WWOX: variants seen among roughly 807,000 people sequenced by gnomAD.
WWOX encodes the protein WW domain containing oxidoreductase, also known as WW domain-containing oxidoreductase.
WWOX carries 69 observed loss-of-function variants against 46.2 expected under a neutral mutation model. The observed-to-expected ratio is 1.49, with a 90% CI of 1.23 to 1.82. The LOEUF (loss-of-function observed/expected upper bound fraction) is 1.82, where lower values mean the gene tolerates loss of function less well. Among genes scored for constraint, WWOX ranks in the 40% most tolerant of loss-of-function variants. The probability of loss-of-function intolerance (pLI) is 0.00; values close to 1 mark genes in which losing one functional copy is unlikely to be tolerated. For missense variants in WWOX, 919 were observed against 542.6 expected (o/e 1.69, Z -6.89); for synonymous variants, 359 against 202.6 (o/e 1.77, Z -6.56).
rs78634763 is a variant in WWOX at position 78,177,441 on chromosome 16, A to G, written c.516+13152A>G. ...GAGTGATACTCCCATGACTCATGAA[A>G]GATGGTCTCCCCACGTGCTTTAAAG... On this transcript the variant is annotated intron_variant, in intron 5 of 8. Coordinates refer to ENST00000566780, the MANE Select transcript of WWOX (RefSeq NM_016373.4). Among the ~76,000 whole-genome samples, 5 of 152,296 alleles carry G rather than the reference A, an allele frequency of 3.3e-5. No individual in the cohort carries two copies. The East Asian group carries it at 5.8e-4, about 18-fold the overall frequency.
At chr16:78,510,354 C>A (rs111608442) in intron 8 of WWOX, among the ~76,000 whole-genome samples, 1 of 152,062 alleles carries the variant, frequency 6.6e-6, no homozygotes, top group African/African-American at 2.4e-5. Context: ...TATAGACACC[C>A]ACCACCATGC....
chr16:78,789,275 T>C (rs1212090848), intron 8 of WWOX, among the ~76,000 whole-genome samples: 1 of 152,206 alleles, frequency 6.6e-6, no homozygotes, highest in Non-Finnish European at 1.5e-5. Flanking sequence ...ACTTTTATAG[T>C]TTTAGCACTT....
At chr16:78,552,015 G>C (rs149545336) in intron 8 of WWOX, 1 of 152,288 alleles carries the variant, frequency 6.6e-6, no homozygotes, top group Non-Finnish European at 1.5e-5. Context: ...GTTGGGGGGT[G>C]GGGGGCACCC....
intron 8 of WWOX, among the ~76,000 whole-genome samples, chr16:78,926,292 G>C (rs758874415): frequency 4.0e-5 from 6 of 151,834 alleles, no homozygotes; most frequent in Non-Finnish European, 7.4e-5. Context: ...AGGATATCCT[G>C]AGCCCAGGAG....
chr16:78,923,368 G>T (rs1417145406), intron 8 of WWOX, among the ~76,000 whole-genome samples: 1 of 151,948 alleles, frequency 6.6e-6, no homozygotes, highest in South Asian at 2.1e-4. Context: ...ATTATTTCTA[G>T]TTCAGATCAT....
At chr16:78,486,607 C>T (rs529686598) in intron 8 of WWOX, among the ~76,000 whole-genome samples, 1 of 132,320 alleles carries the variant, frequency 7.6e-6, no homozygotes, top group Non-Finnish European at 1.6e-5. Context: ...AACAGTCTCA[C>T]TCTGTCGCCC....
At chr16:78,461,099 CA>C (rs2083936433) in intron 8 of WWOX, among the ~76,000 whole-genome samples, 2 of 152,140 alleles carry the variant, frequency 1.3e-5, no homozygotes, top group South Asian at 4.1e-4. Flanking sequence ...GATGCCATAA[CA>C]AAAGTGCAGA....
intron 8 of WWOX, among the ~76,000 whole-genome samples, chr16:78,969,365 G>A (rs1383545157): frequency 6.6e-6 from 1 of 151,664 alleles, no homozygotes. Flanking sequence ...CATCTCCCTG[G>A]TTCAAGGGAT....
intron 5 of WWOX, among the ~76,000 whole-genome samples, chr16:78,200,390 A>G (rs2036193782): frequency 1.3e-5 from 2 of 151,618 alleles, no homozygotes; most frequent in African/African-American, 2.4e-5. Flanking sequence ...GGAGGAAGGA[A>G]TAAAAAAGAG....
chr16:79,211,125 A>T (rs920448464), intron 8 of WWOX, among the ~76,000 whole-genome samples: 1 of 151,942 alleles, frequency 6.6e-6, no homozygotes, highest in Admixed American at 6.6e-5. Flanking sequence ...GCATAAAGGG[A>T]TGATCTGGCA....
intron 8 of WWOX, among the ~76,000 whole-genome samples, chr16:78,830,340 C>G (rs2051783849): frequency 6.6e-6 from 1 of 152,016 alleles, no homozygotes; most frequent in Non-Finnish European, 1.5e-5. Flanking sequence ...CATATATGTA[C>G]ATATTATCAT....
chr16:78,896,482 C>T (rs903737414), intron 8 of WWOX: 1 of 152,132 alleles, frequency 6.6e-6, no homozygotes. Flanking sequence ...TTCCCCTACC[C>T]CTTCCGTCAA....
At chr16:78,760,694 G>A (rs7200361) in intron 8 of WWOX, among the ~76,000 whole-genome samples, 89 of 152,270 alleles carry the variant, frequency 5.8e-4, no homozygotes, top group African/African-American at 2.1e-3. Context: ...GCTGATTTCC[G>A]GGAGCAAAGC....
chr16:78,747,255 G>A (rs571801170), intron 8 of WWOX, among the ~76,000 whole-genome samples: 17 of 147,520 alleles, frequency 1.2e-4, no homozygotes, highest in African/African-American at 1.5e-4. Flanking sequence ...GCAGTAGCAC[G>A]ATCTCGGCTC....
intron 8 of WWOX, among the ~76,000 whole-genome samples, chr16:79,176,209 A>G (rs1012033568): frequency 3.9e-5 from 6 of 152,316 alleles, no homozygotes; most frequent in Admixed American, 2.6e-4. Context: ...TTTCTAACAC[A>G]GAAAGCAACA....
chr16:78,894,862 C>A lies in WWOX; in HGVS notation c.1057-316746C>A, dbSNP rs116185481. ...CTATTATGAGAAAAACAGTGACTAA[C>A]TGAGCACTGTGCATAACTCAGTTCT... On this transcript the variant is annotated intron_variant, in intron 8 of 8. Coordinates refer to ENST00000566780, the MANE Select transcript of WWOX (RefSeq NM_016373.4). 3.7e-3 allele frequency among the ~76,000 whole-genome samples: 556 copies of A among 152,306 alleles called. 2 individuals are homozygous for A. Among genetic ancestry groups the A allele is most frequent in the African/African-American group, 0.013 (541 of 41,572 alleles).
chr16:78,135,918 G>A (rs1367358752), intron 4 of WWOX, among the ~76,000 whole-genome samples: 1 of 152,148 alleles, frequency 6.6e-6, no homozygotes, highest in Non-Finnish European at 1.5e-5. Context: ...AATGTGGGTG[G>A]GTGATTGTTT....
At chr16:78,610,022 C>T (rs1255054365) in intron 8 of WWOX, among the ~76,000 whole-genome samples, 1 of 137,118 alleles carries the variant, frequency 7.3e-6, no homozygotes, top group African/African-American at 2.8e-5. Context: ...CAGAAGGTAG[C>T]TCTGCGAATC....
At chr16:78,696,836 C>A (rs141672145) in intron 8 of WWOX, among the ~76,000 whole-genome samples, 1 of 152,248 alleles carries the variant, frequency 6.6e-6, no homozygotes, top group African/African-American at 2.4e-5. Flanking sequence ...CCCTCTCAGT[C>A]CCCAAAGTCC....
Sources: allele counts gnomAD v4.1 joint callset (sites outside exome capture counted in the v4.1 genomes callset), GRCh38; gene constraint gnomAD v4.1.1; transcripts MANE v1.5; gene names NCBI Gene and HGNC (gene_info 2026-07-23, HGNC 2026-07-21).